REXO5: variants seen among roughly 807,000 people sequenced by gnomAD.
The protein encoded by REXO5 is RNA exonuclease 5.
In REXO5, 48 loss-of-function variants were observed where a neutral mutation model predicts 88.5. The observed-to-expected ratio is 0.54, with a 90% CI of 0.43 to 0.69. The LOEUF (loss-of-function observed/expected upper bound fraction) is 0.69. Ranked by LOEUF, REXO5 falls within the 30% of genes least tolerant of loss-of-function variation. The pLI, the probability that REXO5 is intolerant of heterozygous loss-of-function variation, is 0.00. For synonymous variants in REXO5, 311 were observed against 336.5 expected (o/e 0.92, Z 0.83); for missense variants, 749 against 912.2 (o/e 0.82, Z 2.30).
At chr16:20,816,319 A>C in intron 5 of REXO5, 107 bp downstream of exon 5, 1 of 900,696 alleles carries the variant, frequency 1.1e-6, no homozygotes, top group Non-Finnish European at 1.6e-6. Flanking sequence ...CTTAAGCACA[A>C]AAACAATTTT....
chr16:20,823,932 G>A (rs2081224510), intron 6 of REXO5, among the ~76,000 whole-genome samples: 1 of 152,148 alleles, frequency 6.6e-6, no homozygotes, highest in South Asian at 2.1e-4. Context: ...GGTTGAGTTG[G>A]GTGGAGGGAC....
chr16:20,833,163 C>G (rs1310568593), intron 13 of REXO5, 40 bp downstream of exon 13: 1 of 1,594,368 alleles, frequency 6.3e-7, no homozygotes, highest in South Asian at 1.1e-5. Flanking sequence ...ATATTCAAAG[C>G]AGAGGGGAAT....
intron 19 of REXO5, among the ~76,000 whole-genome samples, chr16:20,847,916 G>C (rs762988444): frequency 2.0e-5 from 3 of 152,186 alleles, no homozygotes; most frequent in African/African-American, 7.2e-5. Context: ...TGTTCTTCCT[G>C]GATGTTCCAC....
At chr16:20,839,340 T>A (rs28473470) in intron 13 of REXO5, among the ~76,000 whole-genome samples, 252 of 152,258 alleles carry the variant, frequency 1.7e-3, no homozygotes, top group African/African-American at 5.8e-3. Context: ...GGGGTTTTTT[T>A]ATGCTTCATC....
intron 19 of REXO5, 79 bp from the exon 20 acceptor site, chr16:20,849,320 A>G: frequency 1.5e-6 from 2 of 1,353,770 alleles, no homozygotes; most frequent in Middle Eastern, 1.8e-4. Context: ...TTGGAAAAAT[A>G]TCTCCTCTAA....
upstream of REXO5, chr16:20,806,447 T>C: frequency 6.4e-7 from 1 of 1,553,028 alleles, no homozygotes; most frequent in Non-Finnish European, 8.7e-7. Context: ...CACTCCTTGC[T>C]TTTCCAAGTC....
intron 12 of REXO5, 147 bp from the exon 13 acceptor site, chr16:20,832,856 G>A (rs1186372387): frequency 3.1e-6 from 2 of 648,896 alleles, no homozygotes; most frequent in Non-Finnish European, 4.9e-6. Context: ...TGCAGTTGAG[G>A]AACTGAATTT....
At chr16:20,819,388 CTTTCCTTTCCTTTCT>C (rs1207818968) in intron 5 of REXO5, among the ~76,000 whole-genome samples, 4 of 150,490 alleles carry the variant, frequency 2.7e-5, no homozygotes, top group Non-Finnish European at 5.9e-5. Context: ...CATTTCTTTC[CTTTCCTTTCCTTTCT>C]TTTCCTTTCC....
intron 12 of REXO5, 47 bp downstream of exon 12, chr16:20,832,306 A>C: frequency 1.6e-6 from 2 of 1,229,184 alleles, no homozygotes; most frequent in Non-Finnish European, 2.3e-6. Flanking sequence ...TGGAGTATCT[A>C]GTTTCTTATT....
At position 20,815,172 on chromosome 16, in the gene REXO5, A is replaced by G; in HGVS notation, c.378+119A>G. On this transcript the variant is annotated intron_variant, in intron 4 of 19. Transcript: ENST00000261377. ...CTGAACAAACAGTAGGGGATATAGA[A>G]AGCAAAAAGACCTTAGAGGCCTCAT... 4.5e-6 allele frequency: 5 copies of G among 1,116,852 alleles called. No homozygotes were observed. In the South Asian group the frequency reaches 9.0e-5, roughly 20 times the overall value. 69.2% of individuals were successfully genotyped at this position (1,116,852 alleles called of 1,614,324 possible). A position where few individuals can be genotyped will look rare whatever the true frequency, so the allele number is the denominator to read the frequency against.
At chr16:20,807,719 T>C (rs753665394) in intron 2 of REXO5, among the ~76,000 whole-genome samples, 24 of 140,778 alleles carry the variant, frequency 1.7e-4, no homozygotes, top group Non-Finnish European at 1.5e-4. Flanking sequence ...CTGGGCAATA[T>C]AGCAAGGACC....
chr16:20,808,566 A>T (rs1170225921), intron 2 of REXO5, among the ~76,000 whole-genome samples: 1 of 151,938 alleles, frequency 6.6e-6, no homozygotes, highest in Non-Finnish European at 1.5e-5. Context: ...GCAGAGACAA[A>T]TGATAAAAAT....
chr16:20,811,214 G>T (rs1022408651), intron 2 of REXO5, among the ~76,000 whole-genome samples: 2 of 152,086 alleles, frequency 1.3e-5, no homozygotes, highest in Non-Finnish European at 1.5e-5. Context: ...GGCAACCAGG[G>T]TTACTCACCG....
intron 2 of REXO5, among the ~76,000 whole-genome samples, chr16:20,812,646 C>G (rs2081017711): frequency 6.6e-6 from 1 of 152,186 alleles, no homozygotes; most frequent in Non-Finnish European, 1.5e-5. Context: ...GATCTATGAT[C>G]TGGCTCCTGC....
At chr16:20,844,112 C>T in intron 16 of REXO5, 86 bp downstream of exon 16, 2 of 782,660 alleles carry the variant, frequency 2.6e-6, no homozygotes. Flanking sequence ...ATAGGAAACA[C>T]TCTCAAGAGG....
chr16:20,816,494 TTTTGTTTGTTTG>T (rs544594537), intron 5 of REXO5, among the ~76,000 whole-genome samples: 1 of 151,858 alleles, frequency 6.6e-6, no homozygotes, highest in South Asian at 2.1e-4. Flanking sequence ...CCCCAGCTAA[TTTTGTTTGTTTG>T]TTTGTTTGTT....
At chr16:20,821,284 T>G (rs1472461430) in intron 5 of REXO5, among the ~76,000 whole-genome samples, 2 of 99,170 alleles carry the variant, frequency 2.0e-5, no homozygotes, top group Non-Finnish European at 4.0e-5. Context: ...TTTCTCTGTG[T>G]TTTTTTTGTT....
At chr16:20,813,339 G>A (rs768739361) in intron 3 of REXO5, 37 bp downstream of exon 3, 25 of 1,078,232 alleles carry the variant, frequency 2.3e-5, no homozygotes, top group Admixed American at 1.1e-4. Context: ...ATTGACCAGC[G>A]GTTTCTTTTT....
chr16:20,828,298 A>T (rs113921587), intron 10 of REXO5, 137 bp from the exon 11 acceptor site: 4 of 602,740 alleles, frequency 6.6e-6, no homozygotes, highest in Non-Finnish European at 2.9e-6. Flanking sequence ...GCTGGAATAA[A>T]GGAACCTTGA....
Sources: allele counts gnomAD v4.1 joint callset (sites outside exome capture counted in the v4.1 genomes callset), GRCh38; gene constraint gnomAD v4.1.1; transcripts MANE v1.5; gene names NCBI Gene and HGNC (gene_info 2026-07-23, HGNC 2026-07-21).